ALKBH8: variants seen among roughly 807,000 people sequenced by gnomAD.
The protein encoded by ALKBH8 is tRNA (carboxymethyluridine(34)-5-O)-methyltransferase ALKBH8.
A neutral mutation model predicts 59.8 loss-of-function variants in ALKBH8; 36 were observed. The ratio of observed to expected loss-of-function variants is 0.60; its 90% CI spans 0.46 to 0.79. The LOEUF is 0.79. Ranked by LOEUF, ALKBH8 falls within the 30% of genes least tolerant of loss-of-function variation. ALKBH8 has a pLI of 0.00. For synonymous variants in ALKBH8, 276 were observed against 273.6 expected, an observed-to-expected ratio of 1.01 and a Z score of -0.09; for missense variants, 768 against 801.0, an observed-to-expected ratio of 0.96 and a Z score of 0.50.
chr11:107,553,268 G>A (rs1382789022), intron 4 of ALKBH8, 65 bp from the exon 5 acceptor site: 2 of 1,119,010 alleles, frequency 1.8e-6, no homozygotes, highest in Admixed American at 2.5e-5. Flanking sequence ...GCATATTTCA[G>A]TCAACTTTTT....
At chr11:107,525,326 A>T (rs925379150) in intron 9 of ALKBH8, 115 bp downstream of exon 9, 14 of 948,300 alleles carry the variant, frequency 1.5e-5, no homozygotes, top group Non-Finnish European at 2.0e-5. Flanking sequence ...GGCAAAATAC[A>T]GGAAATGCCA....
rs201497980 is a variant in ALKBH8 at position 107,532,348 on chromosome 11, C to T, written c.830G>A (p.Arg277Gln). 330 of 1,613,402 alleles carry T rather than the reference C, an allele frequency of 2.0e-4. No homozygotes were observed. The highest frequency in any genetic ancestry group is 4.2e-4 in the Admixed American group (25 of 59,990). ...TTCTCCTGTCATCACCAGCAAACTC[C>T]GACGAGGCAACATAACTGGCACTGC... ...GIAVPVMLPR[R>Q]SLLVMTGESR... Residue 277 changes from arginine (R) to glutamine (Q), a missense_variant, in exon 8 of 12, where the codon CGG becomes CAG. Physicochemically the swap from Arg to Gln is conservative, Grantham distance 43. Coordinates refer to ENST00000428149, the MANE Select transcript of ALKBH8 (RefSeq NM_138775.3).
chr11:107,560,706 A>G, intron 2 of ALKBH8, 59 bp downstream of exon 2: 1 of 1,461,066 alleles, frequency 6.8e-7, no homozygotes, highest in Non-Finnish European at 9.3e-7. Flanking sequence ...AAATATTAAT[A>G]TAATACATTA....
At chr11:107,509,814 AG>A (rs1458843363) in intron 11 of ALKBH8, among the ~76,000 whole-genome samples, 1 of 152,228 alleles carries the variant, frequency 6.6e-6, no homozygotes, top group East Asian at 1.9e-4. Context: ...CATAGAGGGG[AG>A]GGTATCCAAC....
chr11:107,537,544 G>A (rs1316301532), intron 7 of ALKBH8, among the ~76,000 whole-genome samples: 4 of 152,054 alleles, frequency 2.6e-5, no homozygotes, highest in Admixed American at 6.6e-5. Flanking sequence ...ATCACACACT[G>A]GGGCCTGTTG....
In ALKBH8 at chr11:107,525,293, A is replaced by G. The variant is rs76889727; in HGVS notation, c.1030+148T>C. 3.6e-3 allele frequency: 2,069 copies of G among 579,136 alleles called. 34 individuals are homozygous for G. In the African/African-American group the frequency reaches 0.037, roughly 10 times the overall value. 35.9% of individuals were successfully genotyped at this position (579,136 alleles called of 1,614,324 possible). A position where few individuals can be genotyped will look rare whatever the true frequency, so the allele number is the denominator to read the frequency against. Reference sequence around the variant, plus strand: ...AAACTCTAATGAGGGTCGTTAAGAAAAGTGCATGAAAGTGCAATACAAGGC... The same window carrying G: ...AAACTCTAATGAGGGTCGTTAAGAAGAGTGCATGAAAGTGCAATACAAGGC... On this transcript the variant is annotated intron_variant, in intron 9 of 11. Coordinates refer to ENST00000428149, the MANE Select transcript of ALKBH8 (RefSeq NM_138775.3).
At chr11:107,524,253 G>C (rs1457341344) in intron 9 of ALKBH8, among the ~76,000 whole-genome samples, 2 of 151,640 alleles carry the variant, frequency 1.3e-5, no homozygotes, top group South Asian at 2.1e-4. Flanking sequence ...TTGCAGACAG[G>C]GGGTCTTCCT....
intron 10 of ALKBH8, among the ~76,000 whole-genome samples, chr11:107,518,636 C>A (rs1169538302): frequency 6.6e-6 from 1 of 152,278 alleles, no homozygotes; most frequent in Non-Finnish European, 1.5e-5. Context: ...GCATTAAGGG[C>A]ATGCTCCTGC....
chr11:107,515,567 G>T (rs1373152093), intron 10 of ALKBH8, among the ~76,000 whole-genome samples: 1 of 152,100 alleles, frequency 6.6e-6, no homozygotes, highest in South Asian at 2.1e-4. Flanking sequence ...ATGCTGCCCA[G>T]GCTGGTCTCC....
At chr11:107,525,085 G>GA (rs1350666358) in intron 9 of ALKBH8, among the ~76,000 whole-genome samples, 4 of 152,124 alleles carry the variant, frequency 2.6e-5, no homozygotes, top group African/African-American at 9.7e-5. Flanking sequence ...ATATAATTTA[G>GA]AAACTTGACA....
chr11:107,543,905 G>C (rs1864145007), intron 7 of ALKBH8, among the ~76,000 whole-genome samples: 1 of 152,176 alleles, frequency 6.6e-6, no homozygotes, highest in African/African-American at 2.4e-5. Context: ...TGAAATTGGA[G>C]AGACAAAGCA....
Position 107,509,032 on chromosome 11 carries a change from A to G in ALKBH8, c.1437+1855T>C, listed in dbSNP as rs191569297. On this transcript the variant is annotated intron_variant, in intron 11 of 11. Transcript: ENST00000428149. Reference sequence around the variant, plus strand: ...TTCTTTTGGGTATATATCTAGAAGCAGAATTGCTGAATCATGTGGTAATTC... The same window carrying G: ...TTCTTTTGGGTATATATCTAGAAGCGGAATTGCTGAATCATGTGGTAATTC... Among the ~76,000 whole-genome samples, 645 of 152,346 alleles carry G rather than the reference A, an allele frequency of 4.2e-3. 1 individual carries two copies. The highest frequency in any genetic ancestry group is 6.6e-3 in the Admixed American group (101 of 15,306).
Position 107,556,920 on chromosome 11 carries a change from C to T in ALKBH8, c.213G>A (p.Val71=). ...TGTTAGGTGGCATTAAGAGAGCATC[C>T]ACCAGTCCACATTTCTCTAAAACCG... ...LLPVLEKCGL[V]DALLMPPNKP... Residue 71 remains valine, a synonymous_variant, in exon 3 of 12, where the codon GTG becomes GTA. Transcript: ENST00000428149. The T allele has an allele frequency of 6.2e-7, 1 of 1,612,550 alleles. No individual in the cohort carries two copies. The highest frequency in any genetic ancestry group is 2.2e-5 in the East Asian group (1 of 44,788).
In ALKBH8 at chr11:107,507,115, GA is replaced by G. The variant is rs1862418843; in HGVS notation, c.1438-1901del. 1.3e-5 allele frequency among the ~76,000 whole-genome samples: 2 copies of G among 152,066 alleles called. 1 individual carries two copies. The highest frequency in any genetic ancestry group is 4.1e-4 in the South Asian group (2 of 4,822). On this transcript the variant is annotated intron_variant, in intron 11 of 11. Coordinates refer to ENST00000428149, the MANE Select transcript of ALKBH8 (RefSeq NM_138775.3). ...TCTAGTCAGCAAGCTAACAAAAGAG[GA>G]AAAAATGTAATTATAAACTACATTA...
At chr11:107,552,914 G>A (rs1249593755) in intron 5 of ALKBH8, among the ~76,000 whole-genome samples, 194 bp downstream of exon 5, 1 of 152,084 alleles carries the variant, frequency 6.6e-6, no homozygotes, top group Non-Finnish European at 1.5e-5. Context: ...TAATAATGAT[G>A]AACTTCAGCT....
intron 10 of ALKBH8, among the ~76,000 whole-genome samples, chr11:107,515,459 G>A (rs1862823435): frequency 6.6e-6 from 1 of 152,056 alleles, no homozygotes; most frequent in Non-Finnish European, 1.5e-5. Context: ...GGACTCAAGT[G>A]ATCCTCCCAC....
intron 10 of ALKBH8, among the ~76,000 whole-genome samples, chr11:107,512,352 T>C (rs905997515): frequency 2.0e-5 from 3 of 152,088 alleles, no homozygotes; most frequent in Non-Finnish European, 4.4e-5. Flanking sequence ...CTCACTCTAT[T>C]ACCTAAGCTC....
At chr11:107,563,358 G>A (rs1195466149) in intron 1 of ALKBH8, among the ~76,000 whole-genome samples, 1 of 152,102 alleles carries the variant, frequency 6.6e-6, no homozygotes, top group East Asian at 1.9e-4. Context: ...ATATAATACA[G>A]TGTTTAGGAG....
At chr11:107,532,194 C>T in intron 8 of ALKBH8, 106 bp downstream of exon 8, 1 of 854,192 alleles carries the variant, frequency 1.2e-6, no homozygotes, top group South Asian at 2.0e-5. Context: ...AGTTCTGAAC[C>T]CAGAAGCCTC....
Sources: allele counts gnomAD v4.1 joint callset (sites outside exome capture counted in the v4.1 genomes callset), GRCh38; gene constraint gnomAD v4.1.1; transcripts MANE v1.5; gene names NCBI Gene and HGNC (gene_info 2026-07-23, HGNC 2026-07-21).